NSD2: variants seen among roughly 807,000 people sequenced by gnomAD.
NSD2 encodes nuclear receptor binding SET domain protein 2.
Under a neutral mutation model 139.0 loss-of-function variants are expected in NSD2, and 12 were observed. The observed-to-expected ratio is 0.09, with a 90% CI of 0.06 to 0.14. The LOEUF is 0.14. Ranked by LOEUF, NSD2 falls within the 10% of genes least tolerant of loss-of-function variation. The pLI, the probability that NSD2 is intolerant of heterozygous loss-of-function variation, is 1.00. For synonymous variants in NSD2, 669 were observed against 648.7 expected (o/e 1.03, Z -0.48); for missense variants, 1,155 against 1,745.0 (o/e 0.66, Z 6.02).
At chr4:1,946,765 A>ATTCC (rs1723676421) in intron 9 of NSD2, 1 of 1,049,124 alleles carries the variant, frequency 9.5e-7, no homozygotes, top group Non-Finnish European at 1.2e-6. Flanking sequence ...TATTCATCTG[A>ATTCC]TTCCTATACT....
Position 1,948,726 on chromosome 4 carries a change from A to C in NSD2, c.1882-2346A>C. On this transcript the variant is annotated intron_variant, in intron 9 of 21. Transcript: ENST00000508803. This position sits in a 1 kb window ranked among gnomAD's most constrained non-coding sequence, Gnocchi z 4.5. ...TATGTATTCAGTGTTTATTTCCTCA[A>C]AACAGACTTTGTTAATGTAGGAAAT... 1 of 1,051,238 alleles carries C rather than the reference A, an allele frequency of 9.5e-7. No homozygotes were observed. Among genetic ancestry groups the C allele is most frequent in the Non-Finnish European group, 1.2e-6 (1 of 869,410 alleles). The allele number at this position is 1,051,238 out of a possible 1,614,324, so 65.1% of individuals were successfully genotyped here. A position where few individuals can be genotyped will look rare whatever the true frequency, so the allele number is the denominator to read the frequency against.
In NSD2 at chr4:1,972,436, T is replaced by C. The variant is rs1229615721; in HGVS notation, c.3373-2427T>C. On this transcript the variant is annotated intron_variant, in intron 18 of 21. Transcript: ENST00000508803. This position sits in a 1 kb window ranked among gnomAD's most constrained non-coding sequence, Gnocchi z 4.0. ...CAAAGTCCATGTAGAAGGAAAGATC[T>C]GCAGGTCTAGCCAGTGCTTTATCTT... Among the ~76,000 whole-genome samples, 1 of 152,228 alleles carries C rather than the reference T, an allele frequency of 6.6e-6. No individual in the cohort carries two copies. Among genetic ancestry groups the C allele is most frequent in the East Asian group, 1.9e-4 (1 of 5,198 alleles).
Position 1,953,532 on chromosome 4 carries a change from T to G in NSD2, c.2338+8T>G, listed in dbSNP as rs770707528. 4 of 1,599,966 alleles carry G rather than the reference T, an allele frequency of 2.5e-6. No homozygotes were observed. The highest frequency in any genetic ancestry group is 3.4e-6 in the Non-Finnish European group (4 of 1,173,890). ...ACCCAAGGCCGTCAAAAGGTACAGG[T>G]GCACCTGCGCAGCCTTGCTGTGGGT... On this transcript the variant is annotated splice_region_variant and intron_variant, in intron 12 of 21. Coordinates refer to ENST00000508803, the MANE Select transcript of NSD2 (RefSeq NM_001042424.3).
Position 1,976,755 on chromosome 4 carries a change from C to A in NSD2, c.3826+76C>A. On this transcript the variant is annotated intron_variant, in intron 21 of 21. Transcript: ENST00000508803. The surrounding 1 kb of genome is among the most constrained non-coding windows in gnomAD (Gnocchi z 5.3). ...CCTGATGGCGGCTGCTGCCGCTCTT[C>A]CTGCTGACCGGGCCTCATCTGGGTG... The A allele has an allele frequency of 1.4e-6, 2 of 1,463,326 alleles. No homozygotes were observed. Among genetic ancestry groups the A allele is most frequent in the Non-Finnish European group, 9.2e-7 (1 of 1,091,478 alleles). The allele number at this position is 1,463,326 out of a possible 1,614,324, so 90.6% of individuals were successfully genotyped here.
Position 1,956,205 on chromosome 4 carries a change from A to G in NSD2, c.2881+17A>G, listed in dbSNP as rs57276793. The G allele has an allele frequency of 1.3e-3, 2,070 of 1,575,196 alleles. 29 individuals carry two copies. The African/African-American group carries it at 0.026, about 19-fold the overall frequency. On this transcript the variant is annotated intron_variant, in intron 15 of 21. Coordinates refer to ENST00000508803, the MANE Select transcript of NSD2 (RefSeq NM_001042424.3). The surrounding 1 kb of genome is among the most constrained non-coding windows in gnomAD (Gnocchi z 5.3). ...TCAAAAACGGTACGGAGATATTCAG[A>G]TAGAGAGTGAGACAGCACTCTCGTG...
At chr4:1,927,732 A>AG in intron 5 of NSD2, among the ~76,000 whole-genome samples, 1 of 148,134 alleles carries the variant, frequency 6.8e-6, no homozygotes, top group South Asian at 2.2e-4. Flanking sequence ...AAAAAAAAAA[A>AG]AAAAAAAAAA....
chr4:1,944,995 A>G (rs1317168702), intron 9 of NSD2: 1 of 1,064,142 alleles, frequency 9.4e-7, no homozygotes, highest in Non-Finnish European at 1.1e-6. Context: ...ACAACCTTTC[A>G]TGTCGTGAAA....
intron 9 of NSD2, chr4:1,946,771 A>G: frequency 9.5e-7 from 1 of 1,049,904 alleles, no homozygotes; most frequent in East Asian, 5.5e-5. Context: ...TCTGATTCCT[A>G]TACTGGATGA....
chr4:1,928,246 G>A (rs899762850), intron 5 of NSD2, among the ~76,000 whole-genome samples: 1 of 152,010 alleles, frequency 6.6e-6, no homozygotes, highest in Non-Finnish European at 1.5e-5. Context: ...ACTATTGAGT[G>A]CTTATCACAT....
intron 12 of NSD2, chr4:1,954,782 G>A (rs953484891): frequency 1.4e-4 from 25 of 175,738 alleles, no homozygotes; most frequent in Non-Finnish European, 2.5e-4. Flanking sequence ...TGACACCAGT[G>A]GTTCTTTATC....
chr4:1,930,824 G>C, intron 6 of NSD2, 54 bp downstream of exon 6: 1 of 1,545,924 alleles, frequency 6.5e-7, no homozygotes. Context: ...GTGTAGTGTA[G>C]CAAGCTGAGC....
Position 1,930,666 on chromosome 4 carries a change from A to G in NSD2, c.1451A>G (p.Glu484Gly). Residue 484 changes from glutamate (E) to glycine (G), a missense_variant, in exon 6 of 22, where the codon GAA (glutamate) becomes GGA (glycine). Around this residue, in one of 8 missense-constraint regions of NSD2, gnomAD observed 420 missense variants for 469.0 expected, o/e 0.90. Transcript: ENST00000508803. ...EHPDASGEEI[E>G]ELLRSQWSLL... ...CCAGATGCTTCAGGTGAGGAGATTG[A>G]AGAGCTGCTCAGGTCACAGTGGAGT... 6.2e-7 allele frequency: 1 copy of G among 1,613,570 alleles called. No individual in the cohort carries two copies. Among genetic ancestry groups the G allele is most frequent in the Non-Finnish European group, 8.5e-7 (1 of 1,179,724 alleles).
At chr4:1,891,581 G>C (rs1010069269) in intron 1 of NSD2, among the ~76,000 whole-genome samples, 1 of 152,138 alleles carries the variant, frequency 6.6e-6, no homozygotes, top group South Asian at 2.1e-4. Flanking sequence ...AACCGGGCAC[G>C]GTGGCTCATG....
Position 1,960,908 on chromosome 4 carries a change from C to T in NSD2, c.3256-127C>T, listed in dbSNP as rs17132099. ...TTAATTTATGGAGACTTTGTACACG[C>T]CCTCCACGGAGGTATGCTGATGTGT... On this transcript the variant is annotated intron_variant, in intron 17 of 21. Coordinates refer to ENST00000508803, the MANE Select transcript of NSD2 (RefSeq NM_001042424.3). 0.011 allele frequency: 6,918 copies of T among 632,346 alleles called. 361 individuals carry two copies. In the African/African-American group the frequency reaches 0.11, roughly 10 times the overall value. The allele number at this position is 632,346 out of a possible 1,614,324, so 39.2% of individuals were successfully genotyped here.
chr4:1,883,592 C>T (rs998497498), intron 1 of NSD2, among the ~76,000 whole-genome samples: 1 of 150,836 alleles, frequency 6.6e-6, no homozygotes, highest in African/African-American at 2.4e-5. Flanking sequence ...GATTACACCA[C>T]TGCACTCCAA....
At chr4:1,943,118 A>C in intron 9 of NSD2, 3 of 1,046,268 alleles carry the variant, frequency 2.9e-6, no homozygotes, top group Non-Finnish European at 3.5e-6. Context: ...CTCATGTTTC[A>C]TTGTCTTAAT....
rs1724799643 is a variant in NSD2, at chr4:1,956,329, G to C, written c.2881+141G>C. 2 of 724,684 alleles carry C rather than the reference G, an allele frequency of 2.8e-6. No homozygotes were observed. Among genetic ancestry groups the C allele is most frequent in the African/African-American group, 3.6e-5 (2 of 56,192 alleles). The allele number at this position is 724,684 out of a possible 1,614,324, so 44.9% of individuals were successfully genotyped here. The stretch of plus-strand genomic sequence containing the variant: ...GTTTTTTTAAATTAGGAAAATGTTT[G>C]CAGTCTGGTTTATTTGTTGAGCATA... On this transcript the variant is annotated intron_variant, in intron 15 of 21. Coordinates refer to ENST00000508803, the MANE Select transcript of NSD2 (RefSeq NM_001042424.3). The surrounding 1 kb of genome is among the most constrained non-coding windows in gnomAD (Gnocchi z 5.3).
chr4:1,969,541 TAAA>T (rs35256815), intron 18 of NSD2, among the ~76,000 whole-genome samples: 18 of 132,666 alleles, frequency 1.4e-4, no homozygotes, highest in African/African-American at 3.7e-4. Flanking sequence ...TTGTCTCTAC[TAAA>T]AAAAAAAAAA....
At chr4:1,930,324 A>G (rs774304520) in intron 5 of NSD2, among the ~76,000 whole-genome samples, 2 of 152,164 alleles carry the variant, frequency 1.3e-5, no homozygotes, top group Non-Finnish European at 2.9e-5. Context: ...GCTGGGTCTT[A>G]AGTGAGTTAG....
Sources: gnomAD v4.1 joint callset for allele counts (sites outside exome capture counted in the v4.1 genomes callset) on GRCh38, gnomAD v4.1.1 for gene constraint, gnomAD v4.1.1 regional missense constraint, Gnocchi (gnomAD v3.1) non-coding constraint, MANE v1.5 for transcripts, NCBI Gene and HGNC (gene_info 2026-07-23, HGNC 2026-07-21) for gene names.